Variants in POLG observed in about 807,000 individuals in gnomAD.
POLG encodes DNA polymerase gamma, catalytic subunit.
Under a neutral mutation model 155.4 loss-of-function variants are expected in POLG, and 110 were observed. The observed-to-expected ratio is 0.71, with a 90% CI of 0.61 to 0.83. The LOEUF is 0.83. Among genes scored for constraint, POLG ranks in the 40% least tolerant of loss-of-function variants. POLG has a pLI of 0.00. For missense variants in POLG, 1,685 were observed against 1,627.5 expected (o/e 1.04, Z -0.61); for synonymous variants, 701 against 631.5 (o/e 1.11, Z -1.65).
rs1413463963 is a variant in POLG at position 89,326,636 on chromosome 15, G to A, written c.1688C>T (p.Pro563Leu). The A allele has an allele frequency of 2.5e-6, 4 of 1,613,848 alleles. No individual in the cohort carries two copies. The highest frequency in any genetic ancestry group is 2.5e-6 in the Non-Finnish European group (3 of 1,180,016). The change falls in exon 9 of 23, where the codon CCC (proline) becomes CTC (leucine). Residue 563 changes from proline to leucine, a missense_variant. By Grantham distance (98) the Pro-to-Leu change is moderately conservative. Coordinates refer to ENST00000268124, the MANE Select transcript of POLG (RefSeq NM_002693.3). ...CCCAGGGTGTCCAGGAAGGTGCTGG[G>A]GCCGCTTGGGCAGGAGCTCTGTGGT... ...KGTTELLPKR[P>L]QHLPGHPGWY... is the part of the protein sequence containing the mutation.
chr15:89,323,003 C>T (rs2055418432), intron 13 of POLG, 101 bp from the exon 14 acceptor site: 1 of 1,206,734 alleles, frequency 8.3e-7, no homozygotes, highest in Non-Finnish European at 1.2e-6. Context: ...GAGCCCAGAA[C>T]CTCAGCAGTC....
Position 89,323,820 on chromosome 15 carries a change from C to A in POLG, c.2152G>T (p.Ala718Ser), listed in dbSNP as rs755783536. ...CAAGCCGGCGCACTGCTCACCAGAG[C>A]TAGGGGTTGACCTGGCACTGCAGCT... Reference protein sequence around the residue: ...LRAAVPGQPLALTARGGPKDT... With the variant: ...LRAAVPGQPLSLTARGGPKDT... The change falls in exon 12 of 23, where the codon GCT becomes TCT. Residue 718 changes from alanine to serine, a missense_variant. By Grantham distance (99) the Ala-to-Ser change is moderately conservative. This residue lies in a region of POLG where 1,210 missense variants were observed against 1,167.1 expected (regional missense o/e 1.04). Coordinates refer to ENST00000268124, the MANE Select transcript of POLG (RefSeq NM_002693.3). 6 of 1,613,426 alleles carry A rather than the reference C, an allele frequency of 3.7e-6. No individual in the cohort carries two copies. In the African/African-American group the frequency reaches 4.0e-5, roughly 11 times the overall value.
rs2141815244 is a variant in POLG at position 89,333,455 on chromosome 15, C to A, written c.300G>T (p.Val100=). The A allele has an allele frequency of 1.9e-6, 3 of 1,610,852 alleles. No individual in the cohort carries two copies. The highest frequency in any genetic ancestry group is 1.7e-6 in the Non-Finnish European group (2 of 1,179,672). The change falls in exon 2 of 23, where the codon GTG becomes GTT. Residue 100 remains valine (V), a synonymous_variant. Coordinates refer to ENST00000268124, the MANE Select transcript of POLG (RefSeq NM_002693.3). ...TCTGCAGGTGCTCGACGCTGCGGCG[C>A]ACCGCGGCCTCGCCAGGCATCTCCC... The part of the protein sequence containing the change: ...QGGEMPGEAA[V]RRSVEHLQKH...
intron 8 of POLG, 28 bp downstream of exon 8, chr15:89,326,884 T>C (rs764522213): frequency 7.4e-6 from 12 of 1,613,186 alleles, no homozygotes; most frequent in Middle Eastern, 1.6e-4. Flanking sequence ...ACCCCTACCC[T>C]ACCCTACCTC....
chr15:89,319,467 TCCCCTAAAG>T, intron 18 of POLG, 117 bp from the exon 19 acceptor site: 7 of 1,372,142 alleles, frequency 5.1e-6, no homozygotes, highest in Non-Finnish European at 7.1e-6. Flanking sequence ...ATCATGCCAG[TCCCCTAAAG>T]GCTTTTATTC....
chr15:89,325,057 A>AGAGTGAGTGAGAGAGT (rs2055457852), intron 10 of POLG, among the ~76,000 whole-genome samples: 1 of 87,640 alleles, frequency 1.1e-5, no homozygotes, highest in South Asian at 3.3e-4. Context: ...AGTGAGTGAG[A>AGAGTGAGTGAGAGAGT]GAGTGAGTGA....
intron 3 of POLG, 26 bp downstream of exon 3, chr15:89,330,055 C>A: frequency 6.3e-7 from 1 of 1,597,774 alleles, no homozygotes; most frequent in East Asian, 2.2e-5. Flanking sequence ...CATGCCAGAA[C>A]CTGCAGTTGG....
At chr15:89,327,463 A>T (rs2055538202) in intron 6 of POLG, 114 bp from the exon 7 acceptor site, 1 of 915,758 alleles carries the variant, frequency 1.1e-6, no homozygotes, top group Admixed American at 1.9e-5. Context: ...ACAGCTCAAA[A>T]GTCAGACGGC....
rs767339769 is a variant in POLG, at chr15:89,320,856, C to G, written c.2891G>C (p.Arg964Pro). The G allele has an allele frequency of 6.2e-7, 1 of 1,613,952 alleles. No homozygotes were observed. The highest frequency in any genetic ancestry group is 1.7e-5 in the Admixed American group (1 of 60,034). ...CCGGTGGTTAAACTGCATTAGTAAG[C>G]GCTCAGCAAAGGGCTGCCCAGCACC... is the stretch of plus-strand genomic sequence containing the variant. ...IYGAGQPFAE[R>P]LLMQFNHRLT... The change falls in exon 18 of 23, where the codon CGC becomes CCC. Residue 964 changes from arginine to proline, a missense_variant. Arg to Pro is a moderately radical substitution (Grantham distance 103). This residue lies in a region of POLG where 470 missense variants were observed against 439.9 expected (regional missense o/e 1.07). Coordinates refer to ENST00000268124, the MANE Select transcript of POLG (RefSeq NM_002693.3).
intron 14 of POLG, among the ~76,000 whole-genome samples, chr15:89,322,299 C>T (rs1483419194): frequency 6.6e-6 from 1 of 152,222 alleles, no homozygotes; most frequent in Non-Finnish European, 1.5e-5. Flanking sequence ...CCTCTTCCTA[C>T]ACACAGGCAG....
chr15:89,325,397 G>A (rs2055500868), intron 10 of POLG, 53 bp downstream of exon 10: 10 of 1,296,658 alleles, frequency 7.7e-6, no homozygotes, highest in Non-Finnish European at 1.1e-5. Context: ...TGACCAGCCA[G>A]GGGAAGGGGT....
At position 89,333,760 on chromosome 15, in the gene POLG, G is replaced by C. The variant is rs1023437266; in HGVS notation, c.-6C>G. On this transcript the variant is annotated 5_prime_UTR_variant, in exon 2 of 23. Transcript: ENST00000268124. ...CTCCAGAGCAGGCGGCTCATGGTTG[G>C]TGCAGGGACCCCCACGCTGGGAGTC... The C allele has an allele frequency of 5.9e-6, 9 of 1,534,966 alleles. No homozygotes were observed. The highest frequency in any genetic ancestry group is 7.9e-6 in the Non-Finnish European group (9 of 1,146,414).
chr15:89,333,105 G>A lies in POLG; in HGVS notation c.650C>T (p.Pro217Leu). 2 of 1,516,724 alleles carry A rather than the reference G, an allele frequency of 1.3e-6. No individual in the cohort carries two copies. Among genetic ancestry groups the A allele is most frequent in the Non-Finnish European group, 1.8e-6 (2 of 1,132,442 alleles). The allele number at this position is 1,516,724 out of a possible 1,614,324, so 94.0% of individuals were successfully genotyped here. A position where few individuals can be genotyped will look rare whatever the true frequency, so the allele number is the denominator to read the frequency against. The change falls in exon 2 of 23, where the codon CCC (proline) becomes CTC (leucine). Residue 217 changes from proline (P) to leucine (L), a missense_variant. By Grantham distance (98) the Pro-to-Leu change is moderately conservative (BLOSUM62 -3). Transcript: ENST00000268124. The part of the protein sequence containing the change: ...TCPTLAVAIS[P>L]SAWYSWCSQR... ...CCCTGCCCCTACTTACCAGGCCGAG[G>A]GGGATATGGCCACCGCCAATGTGGG... is the stretch of plus-strand genomic sequence containing the variant.
At chr15:89,321,311 G>A in intron 16 of POLG, 51 bp from the exon 17 acceptor site, 1 of 1,604,138 alleles carries the variant, frequency 6.2e-7, no homozygotes, top group Non-Finnish European at 8.5e-7. Context: ...CCCATTCCTG[G>A]AGCCAGAGTT....
chr15:89,330,283 G>A lies in POLG; in HGVS notation c.660-7C>T, dbSNP rs766053530. ...CTGGCTGCACCAGGAATACCTGAGG[G>A]AGGTGAGAGGCAGGCAGGTTCACCA... On this transcript the variant is annotated splice_polypyrimidine_tract_variant and splice_region_variant and intron_variant, in intron 2 of 22. Coordinates refer to ENST00000268124, the MANE Select transcript of POLG (RefSeq NM_002693.3). 2.4e-5 allele frequency: 38 copies of A among 1,607,422 alleles called. No individual in the cohort carries two copies. The highest frequency in any genetic ancestry group is 4.5e-5 in the East Asian group (2 of 44,880).
intron 9 of POLG, 111 bp from the exon 10 acceptor site, chr15:89,325,797 T>C (rs2055509612): frequency 2.2e-6 from 2 of 893,664 alleles, no homozygotes; most frequent in Non-Finnish European, 3.7e-6. Context: ...TGGGGCTTTC[T>C]GGTGACCCCA....
At chr15:89,323,577 TA>T in intron 12 of POLG, 66 bp from the exon 13 acceptor site, 1 of 1,087,034 alleles carries the variant, frequency 9.2e-7, no homozygotes, top group Non-Finnish European at 1.4e-6. Flanking sequence ...GGCCATGGGG[TA>T]GGGGGTGGGA....
rs763718711 is a variant in POLG, at chr15:89,320,716, A to C, written c.2981+50T>G. 3.0e-5 allele frequency: 48 copies of C among 1,606,176 alleles called. No homozygotes were observed. In the Admixed American group the frequency reaches 7.8e-4, roughly 26 times the overall value. ...AGATGGTAGTACTAAAGGACAGTAA[A>C]GCAGGCCTCGGGTCCTGGGTGTTAA... On this transcript the variant is annotated intron_variant, in intron 18 of 22. Transcript: ENST00000268124.
Position 89,333,359 on chromosome 15 carries a change from C to T in POLG, c.396G>A (p.Gly132=). Reference sequence around the variant, plus strand: ...GGCGGAAGTGCTGGTCCAGGTTGTCCCCGTAGAGGGGCGGCAGGCGCAGCT... The same window carrying T: ...GGCGGAAGTGCTGGTCCAGGTTGTCTCCGTAGAGGGGCGGCAGGCGCAGCT... ...DVELRLPPLY[G]DNLDQHFRLL... Residue 132 remains glycine, a synonymous_variant, in exon 2 of 23, where the codon GGG becomes GGA. Transcript: ENST00000268124. The T allele has an allele frequency of 6.4e-7, 1 of 1,573,000 alleles. No homozygotes were observed. Among genetic ancestry groups the T allele is most frequent in the Non-Finnish European group, 8.6e-7 (1 of 1,161,848 alleles).
Sources: gnomAD v4.1 joint callset for allele counts (sites outside exome capture counted in the v4.1 genomes callset) on GRCh38, gnomAD v4.1.1 for gene constraint, gnomAD v4.1.1 regional missense constraint, MANE v1.5 for transcripts, NCBI Gene and HGNC (gene_info 2026-07-23, HGNC 2026-07-21) for gene names.